The following HGS variants were observed in gnomAD, a reference collection of about 807,000 sequenced individuals.
The protein encoded by HGS is human growth factor-regulated tyrosine kinase substrate.
A neutral mutation model predicts 109.7 loss-of-function variants in HGS; 63 were observed. That is an observed-to-expected ratio of 0.57 (90% CI 0.47 to 0.71). The LOEUF is 0.71. Ranked by LOEUF, HGS falls within the 30% of genes least tolerant of loss-of-function variation. HGS has a pLI of 0.00. For synonymous variants in HGS, 546 were observed against 437.3 expected (o/e 1.25, Z -3.10); for missense variants, 995 against 1,068.3 (o/e 0.93, Z 0.96).
In HGS at chr17:81,693,562, C is replaced by A. The variant is rs918743846; in HGVS notation, c.722C>A (p.Pro241His). 10 of 1,612,314 alleles carry A rather than the reference C, an allele frequency of 6.2e-6. No homozygotes were observed. Among genetic ancestry groups the A allele is most frequent in the Admixed American group, 3.3e-5 (2 of 59,930 alleles). ...CTGCCCCCCGAGTACCTGACCAGCC[C>A]CCTGTCTCAGCAGTCCCAGGTACTC... ...TELPPEYLTS[P>H]LSQQSQLPPK... is the part of the protein sequence containing the mutation. Residue 241 changes from proline (P) to histidine (H), a missense_variant, in exon 9 of 22, where the codon CCC becomes CAC. Coordinates refer to ENST00000329138, the MANE Select transcript of HGS (RefSeq NM_004712.5).
intron 1 of HGS, chr17:81,684,535 T>G (rs1056627577): frequency 1.2e-5 from 2 of 166,918 alleles, no homozygotes; most frequent in African/African-American, 4.8e-5. Context: ...GTGTTCTCTC[T>G]GGGACCTTCG....
Position 81,687,064 on chromosome 17 carries a change from A to C in HGS, c.260A>C (p.Gln87Pro). ...QTVHDEVANK[Q>P]TMEELKDLLK... ...GTTCATGATGAGGTGGCCAACAAGC[A>C]GACCATGGAGGAGCTGAAGGACCTG... The change falls in exon 4 of 22, where the codon CAG becomes CCG. Residue 87 changes from glutamine (Q) to proline (P), a missense_variant. By Grantham distance (76) the Gln-to-Pro change is moderately conservative. Transcript: ENST00000329138. 6.2e-7 allele frequency: 1 copy of C among 1,613,400 alleles called. No homozygotes were observed. Among genetic ancestry groups the C allele is most frequent in the Non-Finnish European group, 8.5e-7 (1 of 1,179,926 alleles).
In HGS at chr17:81,697,014, G is replaced by A; in HGVS notation, c.1882+16G>A. The A allele has an allele frequency of 6.5e-7, 1 of 1,541,226 alleles. No individual in the cohort carries two copies. Among genetic ancestry groups the A allele is most frequent in the South Asian group, 1.2e-5 (1 of 86,114 alleles). ...ACTGCGGCTGGTAAGGACGGGTCGGGGCAGAGACCATGCCTTTTATCCCTC... is the reference window on the plus strand; with the variant it reads ...ACTGCGGCTGGTAAGGACGGGTCGGAGCAGAGACCATGCCTTTTATCCCTC... On this transcript the variant is annotated intron_variant, in intron 18 of 21. Coordinates refer to ENST00000329138, the MANE Select transcript of HGS (RefSeq NM_004712.5).
Position 81,700,590 on chromosome 17 carries a change from C to T in HGS, c.2006C>T (p.Ala669Val), listed in dbSNP as rs138108966. 42 of 1,605,398 alleles carry T rather than the reference C, an allele frequency of 2.6e-5. No homozygotes were observed. The highest frequency in any genetic ancestry group is 1.6e-4 in the East Asian group (7 of 44,806). ...TCATCCTACCAGCCTACTCCCACAG[C>T]GGGCTACCAGGTACACAGGAAGGCC... is the stretch of plus-strand genomic sequence containing the variant. ...AYSSYQPTPTAGYQNVASQAP... is the reference protein window; with the variant it reads ...AYSSYQPTPTVGYQNVASQAP... Residue 669 changes from alanine to valine, a missense_variant, in exon 19 of 22, where the codon GCG (alanine) becomes GTG (valine). Coordinates refer to ENST00000329138, the MANE Select transcript of HGS (RefSeq NM_004712.5).
Position 81,695,243 on chromosome 17 carries a change from A to C in HGS, c.1179+20A>C. On this transcript the variant is annotated intron_variant, in intron 14 of 21. Coordinates refer to ENST00000329138, the MANE Select transcript of HGS (RefSeq NM_004712.5). The stretch of plus-strand genomic sequence containing the variant: ...AGTGAGGTAAGCTGTGGCTCCCTCC[A>C]CGGGCCAGGGCAAAACATGGCCTCC... 6.2e-7 allele frequency: 1 copy of C among 1,612,854 alleles called. No homozygotes were observed. The highest frequency in any genetic ancestry group is 8.5e-7 in the Non-Finnish European group (1 of 1,178,846).
rs779093567 is a variant in HGS at position 81,693,997 on chromosome 17, C to T, written c.936+32C>T. The T allele has an allele frequency of 3.8e-6, 6 of 1,574,650 alleles. No individual in the cohort carries two copies. The Admixed American group carries it at 1.1e-4, about 28-fold the overall frequency. ...GGCCCTTGGGCTGGAGCTCCCTCTC[C>T]TGGAAGGCAGTAGGGTTGATGGGGG... On this transcript the variant is annotated intron_variant, in intron 11 of 21. Transcript: ENST00000329138.
At position 81,693,531 on chromosome 17, in the gene HGS, A is replaced by G. The variant is rs754698045; in HGVS notation, c.691A>G (p.Thr231Ala). Residue 231 changes from threonine (T) to alanine (A), a missense_variant, in exon 9 of 22, where the codon ACT becomes GCT. Thr to Ala is a moderately conservative substitution (Grantham distance 58, BLOSUM62 0). Transcript: ENST00000329138. ...AGCGGAGGGAAAGGCCACTTCCACCACTGAGCTGCCCCCCGAGTACCTGAC... is the reference window on the plus strand; with the variant it reads ...AGCGGAGGGAAAGGCCACTTCCACCGCTGAGCTGCCCCCCGAGTACCTGAC... ...RKAEGKATST[T>A]ELPPEYLTSP... 6.2e-7 allele frequency: 1 copy of G among 1,613,292 alleles called. No homozygotes were observed. Among genetic ancestry groups the G allele is most frequent in the East Asian group, 2.2e-5 (1 of 44,878 alleles).
intron 5 of HGS, among the ~76,000 whole-genome samples, chr17:81,689,428 C>T (rs906630125): frequency 2.0e-5 from 3 of 152,176 alleles, no homozygotes; most frequent in Non-Finnish European, 2.9e-5. Context: ...GCCATTGTGG[C>T]CGTGGAGAAC....
At chr17:81,685,014 C>T in intron 1 of HGS, 1 of 985,388 alleles carries the variant, frequency 1.0e-6, no homozygotes, top group Non-Finnish European at 1.2e-6. Context: ...AGAGCTGGAG[C>T]TGCCCCCCCA....
At position 81,686,233 on chromosome 17, in the gene HGS, A is replaced by C. The variant is rs1213506771; in HGVS notation, c.123-79A>C. 8.4e-6 allele frequency: 10 copies of C among 1,187,456 alleles called. No individual in the cohort carries two copies. The African/African-American group carries it at 1.2e-4, about 14-fold the overall frequency. The allele number at this position is 1,187,456 out of a possible 1,614,324, so 73.6% of individuals were successfully genotyped here. A position where few individuals can be genotyped will look rare whatever the true frequency, so the allele number is the denominator to read the frequency against. On this transcript the variant is annotated intron_variant, in intron 2 of 21. Transcript: ENST00000329138. ...GGCGTGAGCCACTGCACCTGGCAGC[A>C]GATGAGCTTTTCTCATCTTAGTTGC...
chr17:81,689,178 A>T (rs115582297), intron 5 of HGS, among the ~76,000 whole-genome samples: 245 of 152,296 alleles, frequency 1.6e-3, no homozygotes, highest in African/African-American at 5.1e-3. Context: ...TCGAGACTGG[A>T]ACAGAAGCCA....
chr17:81,695,297 G>T, intron 14 of HGS, 74 bp downstream of exon 14: 9 of 1,478,710 alleles, frequency 6.1e-6, no homozygotes, highest in Non-Finnish European at 8.5e-6. Flanking sequence ...ACATGGCACA[G>T]GTGCCTGCCC....
chr17:81,689,008 G>C (rs1292384323), intron 5 of HGS, among the ~76,000 whole-genome samples, 181 bp downstream of exon 5: 1 of 152,250 alleles, frequency 6.6e-6, no homozygotes, highest in African/African-American at 2.4e-5. Context: ...ACCGGCTCCT[G>C]CCTTTCTGGA....
rs1258780219 is a variant in HGS at position 81,701,572 on chromosome 17, G to T, written c.2288G>T (p.Gly763Val). The change falls in exon 22 of 22, where the codon GGG becomes GTG. Residue 763 changes from glycine (G) to valine (V), a missense_variant. Coordinates refer to ENST00000329138, the MANE Select transcript of HGS (RefSeq NM_004712.5). ...GTGGCCCAGCAACCGCAGGCACAGG[G>T]GCCGCCGGCACAGGGCAGCGAGGCC... is the stretch of plus-strand genomic sequence containing the variant. The part of the protein sequence containing the change: ...PPVAQQPQAQ[G>V]PPAQGSEAQL... The T allele has an allele frequency of 6.4e-7, 1 of 1,571,640 alleles. No individual in the cohort carries two copies. The highest frequency in any genetic ancestry group is 8.6e-7 in the Non-Finnish European group (1 of 1,165,966).
chr17:81,684,059 A>G lies in HGS; in HGVS notation c.-8A>G, dbSNP rs768046521. ...GCCCGCGGCGTCGGGTTTGGGCTGG[A>G]GGTCGCCATGGGGCGAGGCAGCGGC... On this transcript the variant is annotated 5_prime_UTR_variant, in exon 1 of 22. Transcript: ENST00000329138. 2.0e-5 allele frequency: 32 copies of G among 1,593,670 alleles called. No homozygotes were observed. Among genetic ancestry groups the G allele is most frequent in the Admixed American group, 5.2e-5 (3 of 57,400 alleles).
chr17:81,693,996 C>G, intron 11 of HGS, 31 bp downstream of exon 11: 1 of 1,575,130 alleles, frequency 6.3e-7, no homozygotes, highest in Non-Finnish European at 8.6e-7. Flanking sequence ...AGCTCCCTCT[C>G]CTGGAAGGCA....
intron 4 of HGS, 59 bp from the exon 5 acceptor site, chr17:81,688,645 C>T: frequency 1.9e-6 from 3 of 1,599,672 alleles, no homozygotes; most frequent in South Asian, 2.2e-5. Context: ...CTTCCTCACA[C>T]CGAGGCCTCT....
chr17:81,698,700 T>G (rs1348903189), intron 18 of HGS, among the ~76,000 whole-genome samples: 3 of 152,184 alleles, frequency 2.0e-5, no homozygotes, highest in Non-Finnish European at 4.4e-5. Context: ...CTGGAAAGTG[T>G]GTATGTGAAT....
intron 5 of HGS, among the ~76,000 whole-genome samples, 175 bp downstream of exon 5, chr17:81,689,002 G>A (rs1292253438): frequency 6.6e-6 from 1 of 152,248 alleles, no homozygotes; most frequent in African/African-American, 2.4e-5. Context: ...GTTCAGACCG[G>A]CTCCTGCCTT....
Sources: gnomAD v4.1 joint callset for allele counts (sites outside exome capture counted in the v4.1 genomes callset) on GRCh38, gnomAD v4.1.1 for gene constraint, MANE v1.5 for transcripts, NCBI Gene and HGNC (gene_info 2026-07-23, HGNC 2026-07-21) for gene names.